Variants in COL11A1 observed in about 807,000 individuals in gnomAD.
COL11A1 encodes collagen type XI alpha 1 chain.
In COL11A1, 74 loss-of-function variants were observed where a neutral mutation model predicts 265.2. The ratio of observed to expected loss-of-function variants is 0.28; its 90% confidence interval spans 0.23 to 0.34. COL11A1 has a LOEUF of 0.34. COL11A1 is among the 10% of genes least tolerant of loss of function. COL11A1 has a pLI of 1.00. For missense variants in COL11A1, 2,165 were observed against 2,263.6 expected, an observed-to-expected ratio of 0.96 and a Z score of 0.88; for synonymous variants, 816 against 727.6, an observed-to-expected ratio of 1.12 and a Z score of -1.96.
At position 102,939,842 on chromosome 1, in the gene COL11A1, A is replaced by G. The variant is rs540251880; in HGVS notation, c.3384+485T>C. On this transcript the variant is annotated intron_variant, in intron 43 of 66. Coordinates refer to ENST00000370096, the MANE Select transcript of COL11A1 (RefSeq NM_001854.4). ...AATAATATTTTAAAATAATATAATG[A>G]TGTATTCAATTGAAACATTTAACAC... Among the ~76,000 whole-genome samples, 3 of 152,236 alleles carry G rather than the reference A, an allele frequency of 2.0e-5. No homozygotes were observed. In the East Asian group the frequency reaches 5.8e-4, roughly 29 times the overall value.
chr1:102,967,866 T>C (rs1570897591), intron 37 of COL11A1, among the ~76,000 whole-genome samples: 2 of 152,328 alleles, frequency 1.3e-5, no homozygotes, highest in East Asian at 3.9e-4. Flanking sequence ...AATAATTAAA[T>C]GTAATAGATT....
In COL11A1 at chr1:103,002,477, G is replaced by A; in HGVS notation, c.2048C>T (p.Pro683Leu). The A allele has an allele frequency of 6.2e-7, 1 of 1,609,024 alleles. No individual in the cohort carries two copies. The highest frequency in any genetic ancestry group is 8.5e-7 in the Non-Finnish European group (1 of 1,177,778). ...GPPGPKGNMGPQGEPGPPGQQ... is the reference protein window; with the variant it reads ...GPPGPKGNMGLQGEPGPPGQQ... ...ACCTGGAGGCCCAGGCTCCCCTTGG[G>A]GACCCTGCCAGAGGAAAATATAAAA... is the stretch of plus-strand genomic sequence containing the variant. Residue 683 changes from proline to leucine, a missense_variant, in exon 23 of 67, where the codon CCC becomes CTC. Coordinates refer to ENST00000370096, the MANE Select transcript of COL11A1 (RefSeq NM_001854.4).
chr1:103,074,974 A>G (rs1293294744), intron 3 of COL11A1, among the ~76,000 whole-genome samples, 194 bp from the exon 4 acceptor site: 2 of 152,076 alleles, frequency 1.3e-5, no homozygotes, highest in Non-Finnish European at 2.9e-5. Context: ...GGTACCCAAA[A>G]GGACACAAGC....
chr1:102,932,682 A>C (rs1176616431), intron 46 of COL11A1, among the ~76,000 whole-genome samples: 1 of 151,864 alleles, frequency 6.6e-6, no homozygotes, highest in East Asian at 1.9e-4. Flanking sequence ...TATCCTGCAG[A>C]GTGTTTTCCA....
chr1:102,961,386 G>A (rs1273459761), intron 41 of COL11A1, among the ~76,000 whole-genome samples: 3 of 152,066 alleles, frequency 2.0e-5, no homozygotes, highest in Non-Finnish European at 4.4e-5. Context: ...TTATGCTTAT[G>A]TTTTTTGTAT....
At chr1:103,059,256 C>T (rs1260339340) in intron 4 of COL11A1, among the ~76,000 whole-genome samples, 2 of 152,110 alleles carry the variant, frequency 1.3e-5, no homozygotes, top group African/African-American at 2.4e-5. Context: ...CCCCAGCCAC[C>T]TTCAGCCATC....
At chr1:103,076,125 C>A (rs75026927) in intron 3 of COL11A1, among the ~76,000 whole-genome samples, 1,594 of 152,130 alleles carry the variant, frequency 0.01, 28 homozygotes, top group African/African-American at 0.036. Context: ...ATGTCATAAT[C>A]ATGGTGTCAT....
chr1:102,914,592 A>T (rs1655084649), intron 51 of COL11A1, 112 bp downstream of exon 51: 16 of 989,070 alleles, frequency 1.6e-5, no homozygotes, highest in Non-Finnish European at 2.5e-5. Context: ...AATGATGAAA[A>T]GTCAGATTTA....
rs1239854554 is a variant in COL11A1, at chr1:102,914,778, C to T, written c.3850G>A (p.Ala1284Thr). ...PKGERGEKGE[A>T]GPPGAAGPPG... Reference sequence around the variant, plus strand: ...GGTCCAGCAGCTCCAGGTGGACCAGCTTCCCCTTTCTCTCCTCTTTCTCCT... The same window carrying T: ...GGTCCAGCAGCTCCAGGTGGACCAGTTTCCCCTTTCTCTCCTCTTTCTCCT... Residue 1284 changes from alanine to threonine, a missense_variant, in exon 51 of 67, where the codon GCT (alanine) becomes ACT (threonine). Ala to Thr is a moderately conservative substitution (Grantham distance 58, BLOSUM62 0). Transcript: ENST00000370096. The T allele has an allele frequency of 6.2e-7, 1 of 1,612,080 alleles. No individual in the cohort carries two copies. Among genetic ancestry groups the T allele is most frequent in the East Asian group, 2.2e-5 (1 of 44,752 alleles).
chr1:102,878,915 C>T (rs970989128), intron 66 of COL11A1, among the ~76,000 whole-genome samples: 1 of 152,000 alleles, frequency 6.6e-6, no homozygotes, highest in African/African-American at 2.4e-5. Flanking sequence ...CACACAAGGT[C>T]AAATGTCAAA....
intron 4 of COL11A1, among the ~76,000 whole-genome samples, chr1:103,052,520 C>A (rs1175341312): frequency 6.6e-6 from 1 of 152,064 alleles, no homozygotes; most frequent in Non-Finnish European, 1.5e-5. Flanking sequence ...TTATTCCCCC[C>A]TTGAATATTT....
At chr1:103,044,899 G>A (rs549447743) in intron 4 of COL11A1, among the ~76,000 whole-genome samples, 15 of 152,068 alleles carry the variant, frequency 9.9e-5, no homozygotes, top group South Asian at 2.1e-4. Context: ...AAAGGATAGC[G>A]AATATATGTC....
chr1:102,952,077 C>A (rs2101475808), intron 41 of COL11A1, among the ~76,000 whole-genome samples: 1 of 152,084 alleles, frequency 6.6e-6, no homozygotes. Flanking sequence ...GACTCTATGG[C>A]AATGTGTGTA....
At chr1:102,931,421 C>A (rs1308820984) in intron 46 of COL11A1, among the ~76,000 whole-genome samples, 4 of 150,866 alleles carry the variant, frequency 2.7e-5, no homozygotes, top group Non-Finnish European at 5.9e-5. Flanking sequence ...GATTCTTAAT[C>A]CTGAGTTCTA....
At chr1:103,060,429 G>A (rs1324859563) in intron 4 of COL11A1, among the ~76,000 whole-genome samples, 1 of 152,114 alleles carries the variant, frequency 6.6e-6, no homozygotes, top group East Asian at 1.9e-4. Context: ...GAATGAATAA[G>A]TGAAGGTAAA....
chr1:102,918,992 G>A (rs935462569), intron 49 of COL11A1, among the ~76,000 whole-genome samples: 2 of 152,036 alleles, frequency 1.3e-5, no homozygotes, highest in South Asian at 2.1e-4. Context: ...CAGCATTAGA[G>A]CCAAAAGGAG....
chr1:103,035,187 C>A (rs1223056312), intron 4 of COL11A1, among the ~76,000 whole-genome samples: 3 of 152,070 alleles, frequency 2.0e-5, no homozygotes, highest in South Asian at 2.1e-4. Context: ...CTTTCCTGGA[C>A]AGTCACACAG....
chr1:102,926,462 A>G (rs1255139892), intron 46 of COL11A1, among the ~76,000 whole-genome samples: 1 of 152,172 alleles, frequency 6.6e-6, no homozygotes, highest in African/African-American at 2.4e-5. Context: ...ATATTAGATT[A>G]TTTTATTTAT....
At chr1:103,038,400 G>T (rs1242367474) in intron 4 of COL11A1, among the ~76,000 whole-genome samples, 1 of 152,120 alleles carries the variant, frequency 6.6e-6, no homozygotes, top group Non-Finnish European at 1.5e-5. Flanking sequence ...GGGAGGTGGA[G>T]GTTACAGTGA....
Sources: gnomAD v4.1 joint callset for allele counts (sites outside exome capture counted in the v4.1 genomes callset) on GRCh38, gnomAD v4.1.1 for gene constraint, MANE v1.5 for transcripts, NCBI Gene and HGNC (gene_info 2026-07-23, HGNC 2026-07-21) for gene names.